Variants in TCEA3 observed in about 807,000 individuals in gnomAD.
TCEA3 encodes the protein transcription elongation factor A3, also known as transcription elongation factor A protein 3.
TCEA3 carries 36 observed loss-of-function variants against 44.0 expected under a neutral mutation model. The observed-to-expected ratio is 0.82, with a 90% CI of 0.63 to 1.08. TCEA3 has a LOEUF of 1.08. Among genes scored for constraint, TCEA3 ranks in the 50% least tolerant of loss-of-function variants. The pLI, the probability that TCEA3 is intolerant of heterozygous loss-of-function variation, is 0.00. For synonymous variants in TCEA3, 162 were observed against 159.7 expected, an observed-to-expected ratio of 1.01 and a Z score of -0.11; for missense variants, 392 against 441.2, an observed-to-expected ratio of 0.89 and a Z score of 1.00.
At chr1:23,411,781 A>G (rs1639713590) in intron 4 of TCEA3, among the ~76,000 whole-genome samples, 1 of 152,202 alleles carries the variant, frequency 6.6e-6, no homozygotes. Flanking sequence ...TTCCTTTACT[A>G]TTACTCCTTT....
chr1:23,386,781 C>T (rs570375211), intron 9 of TCEA3, among the ~76,000 whole-genome samples: 50 of 151,750 alleles, frequency 3.3e-4, no homozygotes, highest in Admixed American at 5.9e-4. Flanking sequence ...AGTGCAGTGG[C>T]ATGATCTCGG....
intron 10 of TCEA3, 112 bp downstream of exon 10, chr1:23,384,234 G>C: frequency 6.3e-7 from 1 of 1,590,082 alleles, no homozygotes; most frequent in Non-Finnish European, 8.5e-7. Flanking sequence ...CTCTGTGCAG[G>C]CTGGCAAGTG....
intron 3 of TCEA3, among the ~76,000 whole-genome samples, chr1:23,417,646 T>A (rs190025707): frequency 9.8e-5 from 15 of 152,358 alleles, no homozygotes; most frequent in African/African-American, 3.6e-4. Context: ...CATGTAGACA[T>A]GTACTATATA....
Position 23,393,803 on chromosome 1 carries a change from G to A in TCEA3, c.819+76C>T, listed in dbSNP as rs1639133373. 5.2e-6 allele frequency: 8 copies of A among 1,532,110 alleles called. No homozygotes were observed. In the Admixed American group the frequency reaches 9.8e-5, roughly 19 times the overall value. 94.9% of individuals were successfully genotyped at this position (1,532,110 alleles called of 1,614,324 possible). A position where few individuals can be genotyped will look rare whatever the true frequency, so the allele number is the denominator to read the frequency against. On this transcript the variant is annotated intron_variant, in intron 8 of 10. Coordinates refer to ENST00000450454, the MANE Select transcript of TCEA3 (RefSeq NM_003196.3). ...CTGGCTCACTGCTGATGAGTCACGA[G>A]CCACTGACCCTCTGCACTAGGCAGG...
chr1:23,404,049 T>C lies in TCEA3; in HGVS notation c.443+4615A>G, dbSNP rs1281048157. On this transcript the variant is annotated intron_variant, in intron 5 of 10. Transcript: ENST00000450454. ...CCCGGATGTGCCCGCACCGCACCAG[T>C]CCTTAGAAAATCCTCCTGCCCCAGG... 54 of 693,680 alleles carry C rather than the reference T, an allele frequency of 7.8e-5. 1 individual carries two copies. In the Admixed American group the frequency reaches 1.1e-3, roughly 14 times the overall value. 43.0% of individuals were successfully genotyped at this position (693,680 alleles called of 1,614,324 possible). A position where few individuals can be genotyped will look rare whatever the true frequency, so the allele number is the denominator to read the frequency against.
intron 5 of TCEA3, among the ~76,000 whole-genome samples, chr1:23,408,242 A>T (rs61045931): frequency 2.6e-5 from 4 of 152,168 alleles, no homozygotes; most frequent in Admixed American, 6.5e-5. Context: ...GATTACAGGC[A>T]TGAGCCACTG....
At chr1:23,399,326 C>T (rs914496905) in intron 5 of TCEA3, among the ~76,000 whole-genome samples, 8 of 151,706 alleles carry the variant, frequency 5.3e-5, no homozygotes, top group African/African-American at 1.5e-4. Flanking sequence ...GGCCAATTTG[C>T]TTTCTCATGA....
chr1:23,408,362 C>G (rs1016368061), intron 5 of TCEA3, among the ~76,000 whole-genome samples: 1 of 152,168 alleles, frequency 6.6e-6, no homozygotes, highest in Admixed American at 6.5e-5. Flanking sequence ...TCAGCCACCC[C>G]AGGGAAGGAG....
intron 5 of TCEA3, among the ~76,000 whole-genome samples, chr1:23,407,491 T>G (rs1235793175): frequency 1.3e-5 from 2 of 152,106 alleles, no homozygotes; most frequent in Admixed American, 6.6e-5. Context: ...GCCACTTCAC[T>G]GTTCCTTGAC....
At chr1:23,411,030 C>T (rs1023597070) in intron 4 of TCEA3, 8 of 205,590 alleles carry the variant, frequency 3.9e-5, no homozygotes, top group Admixed American at 3.5e-4. Flanking sequence ...ATGTGGTGAT[C>T]AGGGGACAGG....
chr1:23,383,960 T>C, intron 10 of TCEA3: 1 of 1,054,198 alleles, frequency 9.5e-7, no homozygotes. Context: ...TCCTTGGCTG[T>C]GGCCAGGTTC....
intron 5 of TCEA3, among the ~76,000 whole-genome samples, chr1:23,399,156 A>ATATGTG (rs1553167307): frequency 9.3e-6 from 1 of 108,024 alleles, no homozygotes; most frequent in East Asian, 3.7e-4. Flanking sequence ...ATATATATAT[A>ATATGTG]TATATATATA....
At chr1:23,386,619 G>A (rs1281045656) in intron 9 of TCEA3, among the ~76,000 whole-genome samples, 1 of 152,052 alleles carries the variant, frequency 6.6e-6, no homozygotes, top group Non-Finnish European at 1.5e-5. Context: ...GTACAGTGGT[G>A]CAATCTCGGC....
rs1639258003 is a variant in TCEA3, at chr1:23,397,666, A to G, written c.608-65T>C. ...AACGTAGGCAGTGAAGCCTGCTTGTACCTGGGACTAGAGTGTTCCTGTACC... is the reference window on the plus strand; with the variant it reads ...AACGTAGGCAGTGAAGCCTGCTTGTGCCTGGGACTAGAGTGTTCCTGTACC... On this transcript the variant is annotated intron_variant, in intron 6 of 10. Transcript: ENST00000450454. 3.7e-6 allele frequency: 6 copies of G among 1,603,526 alleles called. No individual in the cohort carries two copies. The East Asian group carries it at 6.7e-5, about 18-fold the overall frequency.
chr1:23,384,526 TC>T, intron 9 of TCEA3, 109 bp from the exon 10 acceptor site: 1 of 1,126,208 alleles, frequency 8.9e-7, no homozygotes, highest in Non-Finnish European at 1.3e-6. Context: ...GCACTGAGAT[TC>T]CCACCCCCCG....
At chr1:23,410,798 C>T (rs1639684617) in intron 4 of TCEA3, 1 of 152,152 alleles carries the variant, frequency 6.6e-6, no homozygotes. Context: ...GAGACTCCAT[C>T]TCAAAAGAAA....
At position 23,393,525 on chromosome 1, in the gene TCEA3, A is replaced by T. The variant is rs114556572; in HGVS notation, c.819+354T>A. Among the ~76,000 whole-genome samples the T allele has an allele frequency of 7.3e-3, 1,106 of 152,294 alleles. 16 individuals are homozygous for T. The highest frequency in any genetic ancestry group is 0.024 in the African/African-American group (996 of 41,558). On this transcript the variant is annotated intron_variant, in intron 8 of 10. Coordinates refer to ENST00000450454, the MANE Select transcript of TCEA3 (RefSeq NM_003196.3). ...TGCCACACAACCTAGCGCTGGGGCC[A>T]GACAGCTTGCCTCCTGGCTCCGACT...
intron 5 of TCEA3, among the ~76,000 whole-genome samples, chr1:23,407,970 T>C (rs1029475075): frequency 7.2e-5 from 11 of 152,056 alleles, no homozygotes; most frequent in Admixed American, 6.6e-5. Flanking sequence ...GTTTTGTTTG[T>C]TTTGTTTTTG....
At chr1:23,412,275 C>G (rs1031573426) in intron 4 of TCEA3, 5 of 151,998 alleles carry the variant, frequency 3.3e-5, no homozygotes, top group African/African-American at 1.2e-4. Flanking sequence ...TAATTTGCAC[C>G]CATAGTCCCA....
Sources: allele counts gnomAD v4.1 joint callset (sites outside exome capture counted in the v4.1 genomes callset), GRCh38; gene constraint gnomAD v4.1.1; transcripts MANE v1.5; gene names NCBI Gene and HGNC (gene_info 2026-07-23, HGNC 2026-07-21).